The following UBP1 variants were observed in gnomAD, a reference collection of about 807,000 sequenced individuals.
UBP1 encodes the protein upstream-binding protein 1.
Under a neutral mutation model 76.1 loss-of-function variants are expected in UBP1, and 22 were observed. The observed-to-expected ratio is 0.29, with a 90% CI of 0.21 to 0.41. The LOEUF (loss-of-function observed/expected upper bound fraction) is 0.41. UBP1 is among the 10% of genes least tolerant of loss of function. The probability of loss-of-function intolerance (pLI) is 1.00; values close to 1 mark genes in which losing one functional copy is unlikely to be tolerated. For missense variants in UBP1, 436 were observed against 668.1 expected (o/e 0.65, Z 3.83); for synonymous variants, 224 against 237.1 (o/e 0.94, Z 0.51).
At chr3:33,409,194 A>G in intron 7 of UBP1, 42 bp downstream of exon 7, 1 of 1,585,690 alleles carries the variant, frequency 6.3e-7, no homozygotes, top group Non-Finnish European at 8.6e-7. Context: ...CTAATATGCA[A>G]CCTTTGCTTC....
intron 5 of UBP1, 36 bp downstream of exon 5, chr3:33,411,545 A>G (rs1559680869): frequency 3.9e-6 from 6 of 1,557,960 alleles, no homozygotes; most frequent in Non-Finnish European, 5.3e-6. Context: ...CTAAATAACT[A>G]GGTTAGTAAG....
In UBP1 at chr3:33,389,261, A is replaced by ATATT. The variant is rs1272958301; in HGVS notation, c.*1066_*1069dup. 1 of 152,630 alleles carries ATATT rather than the reference A, an allele frequency of 6.6e-6. No homozygotes were observed. Among genetic ancestry groups the ATATT allele is most frequent in the Non-Finnish European group, 1.5e-5 (1 of 68,038 alleles). 9.5% of individuals were successfully genotyped at this position (152,630 alleles called of 1,614,324 possible). A position where few individuals can be genotyped will look rare whatever the true frequency, so the allele number is the denominator to read the frequency against. ...CTATCCATGATTGTACTAAAGCTCAATATTTGAGAGGCTTAAGGGATTTGT... is the reference window on the plus strand; with the variant it reads ...CTATCCATGATTGTACTAAAGCTCAATATTTATTTGAGAGGCTTAAGGGATTTGT... On this transcript the variant is annotated 3_prime_UTR_variant, in exon 16 of 16. Coordinates refer to ENST00000283629, the MANE Select transcript of UBP1 (RefSeq NM_014517.5).
rs1161051447 is a variant in UBP1, at chr3:33,402,898, G to C, written c.934C>G (p.Pro312Ala). Residue 312 changes from proline to alanine, a missense_variant, in exon 9 of 16, where the codon CCG becomes GCG. Pro to Ala is a conservative substitution (Grantham distance 27, BLOSUM62 -1). Around this residue, in one of 3 missense-constraint regions of UBP1, gnomAD observed 65 missense variants for 157.4 expected, o/e 0.41. Coordinates refer to ENST00000283629, the MANE Select transcript of UBP1 (RefSeq NM_014517.5). ...TAGGCTGTGGGGGCATCGGGCCACG[G>C]AGAACACTAAGGACAGAAACAGAAA... ...DSLAKRGSCSPWPDAPTAYVN... is the reference protein window; with the variant it reads ...DSLAKRGSCSAWPDAPTAYVN... The C allele has an allele frequency of 6.2e-7, 1 of 1,608,170 alleles. No homozygotes were observed. The highest frequency in any genetic ancestry group is 1.3e-5 in the African/African-American group (1 of 74,864).
Position 33,390,529 on chromosome 3 carries a change from C to A in UBP1, c.1586-161G>T, listed in dbSNP as rs551098192. On this transcript the variant is annotated intron_variant, in intron 15 of 15. Transcript: ENST00000283629. ...AGATTAACTTGCTCTAGCTCCTCTTCCCCCAAAAAACTTCATGTACACATT... is the reference window on the plus strand; with the variant it reads ...AGATTAACTTGCTCTAGCTCCTCTTACCCCAAAAAACTTCATGTACACATT... 2.7e-5 allele frequency: 20 copies of A among 739,070 alleles called. No homozygotes were observed. The South Asian group carries it at 3.7e-4, about 14-fold the overall frequency. 45.8% of individuals were successfully genotyped at this position (739,070 alleles called of 1,614,324 possible).
intron 8 of UBP1, among the ~76,000 whole-genome samples, chr3:33,404,768 T>C (rs1296598651): frequency 6.6e-6 from 1 of 152,236 alleles, no homozygotes; most frequent in Non-Finnish European, 1.5e-5. Context: ...AACTGACATA[T>C]ATTGAAATAA....
At chr3:33,393,544 A>AC in intron 13 of UBP1, 90 bp from the exon 14 acceptor site, 1 of 1,293,360 alleles carries the variant, frequency 7.7e-7, no homozygotes, top group Non-Finnish European at 1.0e-6. Flanking sequence ...CGAAGGTCAC[A>AC]CCTTTCAAAG....
At chr3:33,439,627 C>T in intron 1 of UBP1, 109 bp downstream of exon 1, 1 of 1,243,858 alleles carries the variant, frequency 8.0e-7, no homozygotes, top group Non-Finnish European at 1.1e-6. Flanking sequence ...ACCCCGCAGC[C>T]CAGGAGGCCC....
In UBP1 at chr3:33,425,687, A is replaced by C. The variant is rs1052624203; in HGVS notation, c.168T>G (p.Asp56Glu). ...GAAAGGGTGGGTGCTCTGTTTCACC[A>C]TCCAATGGAAGGCTGGAATCTTCCT... ...FKQEDSSLPL[D>E]GETEHPPFQY... Residue 56 changes from aspartate (D) to glutamate (E), a missense_variant, in exon 2 of 16, where the codon GAT (aspartate) becomes GAG (glutamate). This residue lies in a region of UBP1 where 161 missense variants were observed against 237.9 expected (regional missense o/e 0.68). Coordinates refer to ENST00000283629, the MANE Select transcript of UBP1 (RefSeq NM_014517.5). 6.2e-7 allele frequency: 1 copy of C among 1,601,260 alleles called. No homozygotes were observed. Among genetic ancestry groups the C allele is most frequent in the Non-Finnish European group, 8.5e-7 (1 of 1,170,150 alleles).
At chr3:33,400,100 T>C (rs2044164521) in intron 11 of UBP1, 89 bp downstream of exon 11, 1 of 834,736 alleles carries the variant, frequency 1.2e-6, no homozygotes, top group African/African-American at 1.8e-5. Context: ...CCATAGTTAT[T>C]TCAAAATTTT....
At position 33,409,112 on chromosome 3, in the gene UBP1, A is replaced by T. The variant is rs1398864198; in HGVS notation, c.819+124T>A. On this transcript the variant is annotated intron_variant, in intron 7 of 15. Coordinates refer to ENST00000283629, the MANE Select transcript of UBP1 (RefSeq NM_014517.5). ...TAAATATTTTCCCCAGAAATTTCAC[A>T]GAGAATAACATGTCAAACTGCCACC... 22 of 924,378 alleles carry T rather than the reference A, an allele frequency of 2.4e-5. No homozygotes were observed. In the East Asian group the frequency reaches 5.4e-4, roughly 23 times the overall value. 57.3% of individuals were successfully genotyped at this position (924,378 alleles called of 1,614,324 possible).
rs1457452968 is a variant in UBP1 at position 33,440,001 on chromosome 3, G to C, written c.-153C>G. ...GCGGCGGCCGGGACGAGAGCTGCGG[G>C]GGCCCCACTGGCAGGGCACGACGAG... is the stretch of plus-strand genomic sequence containing the variant. On this transcript the variant is annotated 5_prime_UTR_variant, in exon 1 of 16. Transcript: ENST00000283629. 3 of 720,372 alleles carry C rather than the reference G, an allele frequency of 4.2e-6. No individual in the cohort carries two copies. Among genetic ancestry groups the C allele is most frequent in the Non-Finnish European group, 6.4e-6 (3 of 471,322 alleles). The allele number at this position is 720,372 out of a possible 1,614,324, so 44.6% of individuals were successfully genotyped here.
chr3:33,431,286 G>A (rs564791006), intron 1 of UBP1, among the ~76,000 whole-genome samples: 4 of 152,274 alleles, frequency 2.6e-5, no homozygotes, highest in South Asian at 2.1e-4. Flanking sequence ...AGCAAAGAAC[G>A]GAATAGGGGC....
At chr3:33,392,866 C>A (rs577534229) in intron 14 of UBP1, 3 of 407,260 alleles carry the variant, frequency 7.4e-6, no homozygotes, top group Non-Finnish European at 1.3e-5. Flanking sequence ...CATTCCCTGC[C>A]GGCTCCAGTG....
intron 8 of UBP1, among the ~76,000 whole-genome samples, chr3:33,408,159 G>A (rs993737247): frequency 6.6e-6 from 1 of 151,954 alleles, no homozygotes; most frequent in African/African-American, 2.4e-5. Context: ...GCTCTTAGAA[G>A]CATAGACAGA....
chr3:33,435,666 CTGA>C (rs1559695098), intron 1 of UBP1, among the ~76,000 whole-genome samples: 36 of 152,290 alleles, frequency 2.4e-4, no homozygotes, highest in Non-Finnish European at 1.0e-4. Context: ...ACCTAACCTA[CTGA>C]ACATCATAGC....
Position 33,390,075 on chromosome 3 carries a change from A to C in UBP1, c.*256T>G. 2.3e-6 allele frequency: 1 copy of C among 437,582 alleles called. No homozygotes were observed. Among genetic ancestry groups the C allele is most frequent in the East Asian group, 3.3e-5 (1 of 29,920 alleles). 27.1% of individuals were successfully genotyped at this position (437,582 alleles called of 1,614,324 possible). On this transcript the variant is annotated 3_prime_UTR_variant, in exon 16 of 16. Transcript: ENST00000283629. ...ACTGGCCTCTGCCAGAGCAGCAGGC[A>C]GCTATGCCTGCACCGTGGCCTCCAG... is the stretch of plus-strand genomic sequence containing the variant.
chr3:33,405,870 C>CT (rs1251781904), intron 8 of UBP1, among the ~76,000 whole-genome samples: 2 of 152,268 alleles, frequency 1.3e-5, no homozygotes, highest in South Asian at 4.1e-4. Context: ...TCACCAATGG[C>CT]TACAGGGGCT....
At chr3:33,434,747 C>T (rs902948627) in intron 1 of UBP1, among the ~76,000 whole-genome samples, 7 of 129,084 alleles carry the variant, frequency 5.4e-5, no homozygotes, top group African/African-American at 1.5e-4. Flanking sequence ...AGCACAGTGG[C>T]GCGATCTCAG....
Position 33,396,153 on chromosome 3 carries a change from A to G in UBP1, c.1390+9T>C, listed in dbSNP as rs375233908. Reference sequence around the variant, plus strand: ...GAAGTGACAGAATTGAGATGCCCTCAATACCTACCATAGGGTGCCCCACTG... The same window carrying G: ...GAAGTGACAGAATTGAGATGCCCTCGATACCTACCATAGGGTGCCCCACTG... On this transcript the variant is annotated intron_variant, in intron 13 of 15. Coordinates refer to ENST00000283629, the MANE Select transcript of UBP1 (RefSeq NM_014517.5). 11 of 1,559,138 alleles carry G rather than the reference A, an allele frequency of 7.1e-6. No individual in the cohort carries two copies. Among genetic ancestry groups the G allele is most frequent in the Non-Finnish European group, 8.8e-6 (10 of 1,138,080 alleles).
Sources: allele counts gnomAD v4.1 joint callset (sites outside exome capture counted in the v4.1 genomes callset), GRCh38; gene constraint gnomAD v4.1.1; regional missense constraint gnomAD v4.1.1; transcripts MANE v1.5; gene names NCBI Gene and HGNC (gene_info 2026-07-23, HGNC 2026-07-21).